LRP5: variants seen among roughly 807,000 people sequenced by gnomAD.
LRP5 encodes low-density lipoprotein receptor-related protein 5.
Under a neutral mutation model 154.1 loss-of-function variants are expected in LRP5, and 62 were observed. That is an observed-to-expected ratio of 0.40 (90% CI 0.33 to 0.50). The LOEUF is 0.50. Among genes scored for constraint, LRP5 ranks in the 20% least tolerant of loss-of-function variants. LRP5 has a pLI of 0.55. For synonymous variants in LRP5, 966 were observed against 1,011.5 expected (o/e 0.96, Z 0.85); for missense variants, 1,915 against 2,336.7 (o/e 0.82, Z 3.72).
intron 2 of LRP5, among the ~76,000 whole-genome samples, chr11:68,352,824 G>A (rs1383820126): frequency 6.6e-6 from 1 of 151,908 alleles, no homozygotes; most frequent in East Asian, 1.9e-4. Flanking sequence ...TCTGTTGGGA[G>A]GTGCATGATG....
At chr11:68,361,894 G>A (rs1424308426) in intron 3 of LRP5, among the ~76,000 whole-genome samples, 4 of 152,200 alleles carry the variant, frequency 2.6e-5, no homozygotes, top group South Asian at 2.1e-4. Context: ...ATTGATTTAC[G>A]TATGACCCAG....
intron 21 of LRP5, chr11:68,445,769 T>G: frequency 4.9e-6 from 4 of 812,770 alleles, no homozygotes; most frequent in Non-Finnish European, 7.2e-6. Flanking sequence ...TGCCTGGACC[T>G]GGGGGGCACG....
chr11:68,303,133 T>G, the LRP5 span, among the ~76,000 whole-genome samples: 3 of 152,120 alleles, frequency 2.0e-5, no homozygotes, highest in Admixed American at 1.3e-4. Flanking sequence ...ATTTATGTAT[T>G]TATTTATTTA....
chr11:68,301,657 C>G, the LRP5 span, among the ~76,000 whole-genome samples: 1 of 145,076 alleles, frequency 6.9e-6, no homozygotes, highest in East Asian at 2.0e-4. Flanking sequence ...GAGTTTCACT[C>G]TGTCGCCCAG....
Position 68,347,844 on chromosome 11 carries a change from C to T in LRP5, c.92-3C>T, listed in dbSNP as rs2098614465. On this transcript the variant is annotated splice_region_variant and splice_polypyrimidine_tract_variant and intron_variant, in intron 1 of 22. Coordinates refer to ENST00000294304, the MANE Select transcript of LRP5 (RefSeq NM_002335.4). ...GCCCTCACGGTTTGCTTCTGCCCCA[C>T]AGCCTCGCCGCTCCTGCTATTTGCC... is the stretch of plus-strand genomic sequence containing the variant. The T allele has an allele frequency of 6.2e-7, 1 of 1,613,018 alleles. No individual in the cohort carries two copies. The highest frequency in any genetic ancestry group is 8.5e-7 in the Non-Finnish European group (1 of 1,180,004).
chr11:68,414,497 C>T (rs1268381676), intron 12 of LRP5, among the ~76,000 whole-genome samples: 1 of 152,160 alleles, frequency 6.6e-6, no homozygotes, highest in Admixed American at 6.5e-5. Context: ...GTCCCTGCTC[C>T]TGAACCCTTG....
At position 68,426,128 on chromosome 11, in the gene LRP5, G is replaced by C; in HGVS notation, c.3578G>C (p.Gly1193Ala). The C allele has an allele frequency of 6.2e-7, 1 of 1,613,134 alleles. No homozygotes were observed. Among genetic ancestry groups the C allele is most frequent in the Non-Finnish European group, 8.5e-7 (1 of 1,180,030 alleles). The change falls in exon 16 of 23, where the codon GGC (glycine) becomes GCC (alanine). Residue 1193 changes from glycine to alanine, a missense_variant. Gly to Ala is a moderately conservative substitution (Grantham distance 60). Coordinates refer to ENST00000294304, the MANE Select transcript of LRP5 (RefSeq NM_002335.4). ...TTGDKRTRIQ[G>A]RVAHLTGIHA... Reference sequence around the variant, plus strand: ...GGGGACAAGCGGACTCGCATCCAGGGCCGTGTCGCCCACCTCACTGGCATC... The same window carrying C: ...GGGGACAAGCGGACTCGCATCCAGGCCCGTGTCGCCCACCTCACTGGCATC...
Position 68,386,499 on chromosome 11 carries a change from C to T in LRP5, c.1199C>T (p.Ala400Val), listed in dbSNP as rs201320326. ...GACGAGGTGCGGGCCATCCGCAGGG[C>T]GTACCTGGACGGGTCTGGGGCGCAG... ...TDDEVRAIRR[A>V]YLDGSGAQTL... Residue 400 changes from alanine to valine, a missense_variant, in exon 6 of 23, where the codon GCG becomes GTG. Transcript: ENST00000294304. This position sits in a 1 kb window ranked among gnomAD's most constrained non-coding sequence, Gnocchi z 7.9. The T allele has an allele frequency of 2.8e-4, 444 of 1,614,080 alleles. No individual in the cohort carries two copies. The highest frequency in any genetic ancestry group is 3.4e-4 in the Non-Finnish European group (402 of 1,180,014).
rs1212376183 is a variant in LRP5 at position 68,346,350 on chromosome 11, G to A, written c.92-1497G>A. On this transcript the variant is annotated intron_variant, in intron 1 of 22. Transcript: ENST00000294304. ...TCCTCTGTGTGTCCTCCCATCCTGT[G>A]GAGCATGTCTCCTGGGAATGGGAGG... 2.0e-5 allele frequency among the ~76,000 whole-genome samples: 3 copies of A among 152,348 alleles called. No homozygotes were observed. In the East Asian group the frequency reaches 5.8e-4, roughly 29 times the overall value.
intron 13 of LRP5, among the ~76,000 whole-genome samples, chr11:68,422,589 C>T (rs905188145): frequency 8.5e-5 from 13 of 152,208 alleles, no homozygotes; most frequent in Admixed American, 2.6e-4. Flanking sequence ...CTGAGATGCA[C>T]AGGGTGGGCT....
At chr11:68,316,402 G>A (rs1226976373) in intron 1 of LRP5, among the ~76,000 whole-genome samples, 3 of 152,226 alleles carry the variant, frequency 2.0e-5, no homozygotes, top group East Asian at 3.9e-4. Flanking sequence ...CTCCCAAGTA[G>A]CTTGCATTAC....
rs1459932195 is a variant in LRP5, at chr11:68,443,577, ATATATATATTTTT to A, written c.4489-2857_4489-2845del. ...TATATATATATATATATATATATAT[ATATATATATTTTT>A]TTTTTTTTTGGTTATGTTCAGAAAG... is the stretch of plus-strand genomic sequence containing the variant. On this transcript the variant is annotated intron_variant, in intron 21 of 22. Transcript: ENST00000294304. Among the ~76,000 whole-genome samples, 14 of 42,022 alleles carry A rather than the reference ATATATATATTTTT, an allele frequency of 3.3e-4. No homozygotes were observed. The South Asian group carries it at 3.8e-3, about 12-fold the overall frequency. The allele number at this position is 42,022 out of a possible 152,430, so 27.6% of individuals were successfully genotyped here. A position where few individuals can be genotyped will look rare whatever the true frequency, so the allele number is the denominator to read the frequency against.
intron 5 of LRP5, among the ~76,000 whole-genome samples, chr11:68,371,386 C>T (rs1426838222): frequency 6.6e-6 from 1 of 152,172 alleles, no homozygotes; most frequent in Non-Finnish European, 1.5e-5. Context: ...CAGAGCCGGA[C>T]CTGTGAGCGG....
At chr11:68,427,408 G>T (rs2098669386) in intron 16 of LRP5, among the ~76,000 whole-genome samples, 1 of 152,136 alleles carries the variant, frequency 6.6e-6, no homozygotes, top group African/African-American at 2.4e-5. Context: ...GGCTGGGCTT[G>T]GTGGCTCATG....
chr11:68,392,552 A>G (rs998429096), intron 7 of LRP5, among the ~76,000 whole-genome samples: 2 of 152,124 alleles, frequency 1.3e-5, no homozygotes, highest in African/African-American at 4.8e-5. Flanking sequence ...AATTCAGGGC[A>G]TTTAGTATGA....
intron 5 of LRP5, among the ~76,000 whole-genome samples, chr11:68,385,128 A>G (rs1445725280): frequency 6.6e-6 from 1 of 152,152 alleles, no homozygotes; most frequent in Admixed American, 6.5e-5. Flanking sequence ...TCAGCTAGAG[A>G]GGGGGCTTTT....
rs1240604330 is a variant in LRP5 at position 68,404,382 on chromosome 11, C to T, written c.1801+683C>T. ...TGATGAAGGATGAGAGGACAGAGGA[C>T]GTGATGCTTGCTGCTGCATTGCCTG... On this transcript the variant is annotated intron_variant, in intron 8 of 22. Coordinates refer to ENST00000294304, the MANE Select transcript of LRP5 (RefSeq NM_002335.4). The T allele has an allele frequency of 1.9e-6, 1 of 518,982 alleles. No homozygotes were observed. The highest frequency in any genetic ancestry group is 1.9e-5 in the African/African-American group (1 of 52,836). The allele number at this position is 518,982 out of a possible 1,614,324, so 32.1% of individuals were successfully genotyped here.
chr11:68,382,124 G>T (rs1196960601), intron 5 of LRP5, among the ~76,000 whole-genome samples: 1 of 152,240 alleles, frequency 6.6e-6, no homozygotes, highest in Non-Finnish European at 1.5e-5. Context: ...AGCCTGAGGG[G>T]TGTCAGAGAC....
At chr11:68,315,703 C>G (rs1355125728) in intron 1 of LRP5, among the ~76,000 whole-genome samples, 6 of 152,252 alleles carry the variant, frequency 3.9e-5, no homozygotes, top group Non-Finnish European at 7.3e-5. Context: ...GGCAGAGCTT[C>G]CCATGTAGAG....
Sources: gnomAD v4.1 joint callset for allele counts (sites outside exome capture counted in the v4.1 genomes callset) on GRCh38, gnomAD v4.1.1 for gene constraint, Gnocchi (gnomAD v3.1) non-coding constraint, MANE v1.5 for transcripts, NCBI Gene and HGNC (gene_info 2026-07-23, HGNC 2026-07-21) for gene names.